The following SMYD4 variants were observed in gnomAD, a reference collection of about 807,000 sequenced individuals.
SMYD4 encodes the protein protein-lysine N-methyltransferase SMYD4.
Under a neutral mutation model 72.8 loss-of-function variants are expected in SMYD4, and 68 were observed. The observed-to-expected ratio is 0.93, with a 90% CI of 0.77 to 1.14. The LOEUF is 1.14. Ranked by LOEUF, SMYD4 falls within the 50% of genes most tolerant of loss-of-function variation. SMYD4 has a pLI of 0.00. For synonymous variants in SMYD4, 407 were observed against 388.6 expected (o/e 1.05, Z -0.56); for missense variants, 984 against 1,003.7 (o/e 0.98, Z 0.27).
rs531744251 is a variant in SMYD4, at chr17:1,808,411, C to T, written c.279+3560G>A. On this transcript the variant is annotated intron_variant, in intron 3 of 10. Transcript: ENST00000305513. ...TTATCCCAATTTTGTAAAAGAAAAA[C>T]GTATTTTCGGAGGAAAAAGTCTGGC... is the stretch of plus-strand genomic sequence containing the variant. Among the ~76,000 whole-genome samples the T allele has an allele frequency of 5.9e-5, 9 of 152,210 alleles. No individual in the cohort carries two copies. The South Asian group carries it at 1.9e-3, about 32-fold the overall frequency.
At chr17:1,810,286 C>CT (rs879894019) in intron 3 of SMYD4, among the ~76,000 whole-genome samples, 95 of 146,794 alleles carry the variant, frequency 6.5e-4, no homozygotes, top group Admixed American at 1.8e-3. Flanking sequence ...ACATAAATTA[C>CT]TTTTTTTTTT....
Position 1,783,496 on chromosome 17 carries a change from A to C in SMYD4, c.2021-20T>G, listed in dbSNP as rs765792337. The C allele has an allele frequency of 3.8e-6, 6 of 1,586,324 alleles. No individual in the cohort carries two copies. The highest frequency in any genetic ancestry group is 5.1e-6 in the Non-Finnish European group (6 of 1,166,154). On this transcript the variant is annotated intron_variant, in intron 8 of 10. Transcript: ENST00000305513. ...CTCGCTCTGTCAATGCAGAGGAAAG[A>C]CGTCTCACTATAGACAGAAGCCCAG...
Position 1,800,881 on chromosome 17 carries a change from C to G in SMYD4, c.513G>C (p.Arg171Ser). Reference protein sequence around the residue: ...EASQTISDLERNFTATPALAD... With the variant: ...EASQTISDLESNFTATPALAD... The stretch of plus-strand genomic sequence containing the variant: ...CTAGGGCTGGTGTGGCTGTGAAGTT[C>G]CTTTCAAGATCACTGATGGTCTGGC... The change falls in exon 5 of 11, where the codon AGG (arginine) becomes AGC (serine). Residue 171 changes from arginine (R) to serine (S), a missense_variant. Physicochemically the swap from Arg to Ser is moderately radical, Grantham distance 110. Coordinates refer to ENST00000305513, the MANE Select transcript of SMYD4 (RefSeq NM_052928.3). The G allele has an allele frequency of 6.2e-7, 1 of 1,614,172 alleles. No homozygotes were observed. The highest frequency in any genetic ancestry group is 8.5e-7 in the Non-Finnish European group (1 of 1,180,034).
rs771025941 is a variant in SMYD4, at chr17:1,781,268, C to G, written c.*18G>C. On this transcript the variant is annotated 3_prime_UTR_variant, in exon 11 of 11. Transcript: ENST00000305513. ...TTCCATGGGCTCCTTTTCTGTGGGT[C>G]AAAATCCTCCTGGAACCCTACAATG... 1.9e-6 allele frequency: 3 copies of G among 1,604,888 alleles called. No individual in the cohort carries two copies. The Admixed American group carries it at 5.2e-5, about 28-fold the overall frequency.
chr17:1,793,027 C>G (rs1426424795), intron 5 of SMYD4, among the ~76,000 whole-genome samples: 1 of 152,086 alleles, frequency 6.6e-6, no homozygotes, highest in East Asian at 1.9e-4. Context: ...GAGCCGCTGT[C>G]CCACCTCAGA....
At chr17:1,785,768 A>AAAAAAAAG (rs1201143927) in intron 7 of SMYD4, among the ~76,000 whole-genome samples, 3 of 14,866 alleles carry the variant, frequency 2.0e-4, no homozygotes, top group African/African-American at 6.2e-4. Context: ...CATCTCAAAA[A>AAAAAAAAG]AAAAAAAGAA....
chr17:1,793,839 TGA>T (rs1488609474), intron 5 of SMYD4, among the ~76,000 whole-genome samples: 1 of 150,550 alleles, frequency 6.6e-6, no homozygotes, highest in African/African-American at 2.4e-5. Context: ...GTTTTTTTTT[TGA>T]GAGGAAGTTT....
intron 8 of SMYD4, 60 bp downstream of exon 8, chr17:1,784,266 C>T (rs9892714): frequency 0.053 from 85,415 of 1,606,812 alleles, 4,552 homozygotes; most frequent in African/African-American, 0.22. Flanking sequence ...GAGTCCAAAA[C>T]GGTATCAGAA....
chr17:1,804,783 A>G (rs1261242918), intron 3 of SMYD4, 68 bp from the exon 4 acceptor site: 1 of 1,505,040 alleles, frequency 6.6e-7, no homozygotes, highest in Non-Finnish European at 9.2e-7. Context: ...TTTTTCAGAT[A>G]TTCCGGGCTC....
intron 3 of SMYD4, among the ~76,000 whole-genome samples, chr17:1,810,565 G>T (rs1249098389): frequency 2.6e-5 from 4 of 152,170 alleles, no homozygotes; most frequent in Non-Finnish European, 5.9e-5. Context: ...TGATATGGGA[G>T]GGGGGCAGGG....
intron 6 of SMYD4, among the ~76,000 whole-genome samples, chr17:1,787,206 A>G (rs1325122248): frequency 1.3e-5 from 2 of 152,226 alleles, no homozygotes; most frequent in East Asian, 3.8e-4. Context: ...GTTTATAGTG[A>G]TTAAACAGCG....
At chr17:1,805,502 T>C (rs2151239439) in intron 3 of SMYD4, among the ~76,000 whole-genome samples, 1 of 152,116 alleles carries the variant, frequency 6.6e-6, no homozygotes, top group East Asian at 1.9e-4. Context: ...GGAAAGATGG[T>C]GATTACTCAG....
At chr17:1,792,070 G>C (rs369449577) in intron 5 of SMYD4, among the ~76,000 whole-genome samples, 2 of 149,420 alleles carry the variant, frequency 1.3e-5, no homozygotes, top group Non-Finnish European at 3.0e-5. Context: ...ACGGGGTCTC[G>C]CTCTGTCGCC....
At chr17:1,798,626 A>C (rs1217707731) in intron 5 of SMYD4, among the ~76,000 whole-genome samples, 1 of 152,104 alleles carries the variant, frequency 6.6e-6, no homozygotes, top group Non-Finnish European at 1.5e-5. Flanking sequence ...GGCCAGGTGC[A>C]GTGGCTCATG....
chr17:1,822,663 C>T (rs1324643579), intron 2 of SMYD4, among the ~76,000 whole-genome samples: 1 of 152,080 alleles, frequency 6.6e-6, no homozygotes, highest in Non-Finnish European at 1.5e-5. Flanking sequence ...GTTTCATTCA[C>T]CACGTTGCCC....
chr17:1,827,395 C>A (rs1911244301), intron 2 of SMYD4, among the ~76,000 whole-genome samples: 1 of 151,464 alleles, frequency 6.6e-6, no homozygotes, highest in South Asian at 2.1e-4. Context: ...CGGTCCCTTC[C>A]CTCATGAAGT....
intron 7 of SMYD4, among the ~76,000 whole-genome samples, chr17:1,785,900 A>G (rs1015788240): frequency 6.6e-6 from 1 of 152,202 alleles, no homozygotes; most frequent in Non-Finnish European, 1.5e-5. Flanking sequence ...CCCTAAGAAG[A>G]ATACGGCACT....
chr17:1,795,687 C>T (rs1308133758), intron 5 of SMYD4, among the ~76,000 whole-genome samples: 5 of 151,094 alleles, frequency 3.3e-5, no homozygotes, highest in Non-Finnish European at 7.4e-5. Context: ...GGTGATCCAC[C>T]TGCCTTGGCC....
At chr17:1,828,907 C>A (rs2151260316) in intron 1 of SMYD4, among the ~76,000 whole-genome samples, 1 of 152,190 alleles carries the variant, frequency 6.6e-6, no homozygotes, top group South Asian at 2.1e-4. Flanking sequence ...TGATCCCTCT[C>A]TAGTTTCTCT....
Sources: allele counts gnomAD v4.1 joint callset (sites outside exome capture counted in the v4.1 genomes callset), GRCh38; gene constraint gnomAD v4.1.1; transcripts MANE v1.5; gene names NCBI Gene and HGNC (gene_info 2026-07-23, HGNC 2026-07-21).